The following TENM2 variants were observed in gnomAD, a reference collection of about 807,000 sequenced individuals.
The protein encoded by TENM2 is teneurin-2.
TENM2 carries 52 observed loss-of-function variants against 245.2 expected under a neutral mutation model. The ratio of observed to expected loss-of-function variants is 0.21; its 90% CI spans 0.17 to 0.27. The LOEUF is 0.27. TENM2 is among the 10% of genes least tolerant of loss of function. TENM2 has a pLI of 1.00. For missense variants in TENM2, 3,046 were observed against 3,666.8 expected, an observed-to-expected ratio of 0.83 and a Z score of 4.37; for synonymous variants, 1,363 against 1,438.9, an observed-to-expected ratio of 0.95 and a Z score of 1.19.
the TENM2 span, among the ~76,000 whole-genome samples, chr5:167,119,754 A>C: frequency 1.3e-5 from 2 of 152,224 alleles, no homozygotes; most frequent in African/African-American, 4.8e-5. Flanking sequence ...CCTTGAAACC[A>C]TAGCAACCTG....
intron 2 of TENM2, among the ~76,000 whole-genome samples, chr5:167,454,475 T>TGTGC (rs398065397): frequency 1.2e-4 from 18 of 149,482 alleles, no homozygotes; most frequent in East Asian, 1.2e-3. Flanking sequence ...TGTGTGTGTG[T>TGTGC]GCATGTGCAC....
intron 25 of TENM2, among the ~76,000 whole-genome samples, chr5:168,234,420 A>G (rs577102958): frequency 6.6e-6 from 1 of 152,234 alleles, no homozygotes; most frequent in Non-Finnish European, 1.5e-5. Context: ...CAGTAAAAGC[A>G]CCTAGACAGG....
At chr5:168,141,862 C>T (rs1031180635) in intron 12 of TENM2, among the ~76,000 whole-genome samples, 4 of 152,272 alleles carry the variant, frequency 2.6e-5, no homozygotes, top group Non-Finnish European at 5.9e-5. Flanking sequence ...CCTCTCAAAG[C>T]GTCAGACGGA....
the TENM2 span, among the ~76,000 whole-genome samples, chr5:167,033,572 T>C: frequency 6.6e-6 from 1 of 152,336 alleles, no homozygotes; most frequent in Admixed American, 6.5e-5. Flanking sequence ...TTGTTGAACA[T>C]GCATTTTAAA....
intron 8 of TENM2, among the ~76,000 whole-genome samples, chr5:168,091,938 A>G (rs955741331): frequency 1.3e-5 from 2 of 152,246 alleles, no homozygotes; most frequent in Non-Finnish European, 2.9e-5. Context: ...GACCACGTCC[A>G]GGAAGTAGAG....
chr5:168,228,606 A>ACTC (rs1554227677), intron 25 of TENM2, among the ~76,000 whole-genome samples: 6 of 152,058 alleles, frequency 3.9e-5, no homozygotes, highest in East Asian at 1.9e-4. Context: ...CTTTGCACTC[A>ACTC]AGGAATTGAG....
the TENM2 span, among the ~76,000 whole-genome samples, chr5:167,249,725 C>A: frequency 5.9e-5 from 9 of 152,096 alleles, no homozygotes; most frequent in Non-Finnish European, 8.8e-5. Flanking sequence ...TGGAGCAAGC[C>A]GTCCTATCAA....
At chr5:167,170,860 C>T in the TENM2 span, among the ~76,000 whole-genome samples, 7 of 143,176 alleles carry the variant, frequency 4.9e-5, no homozygotes, top group South Asian at 2.1e-4. Flanking sequence ...CAGTGAATCA[C>T]GTCTCCTAAA....
At position 168,203,714 on chromosome 5, in the gene TENM2, C is replaced by A. The variant is rs372512299; in HGVS notation, c.3456C>A (p.Thr1152=). 1.1e-5 allele frequency: 17 copies of A among 1,611,944 alleles called. No individual in the cohort carries two copies. In the African/African-American group the frequency reaches 2.1e-4, roughly 20 times the overall value. The change falls in exon 18 of 29, where the codon ACC becomes ACA. Residue 1152 remains threonine (T), a synonymous_variant. Transcript: ENST00000518659. ...TGTCTGTCGGGTTTGAATATGAGAC[C>A]TGTCCCAGTCTAATTCTCTGGGAGA...
At chr5:167,435,412 ACT>A (rs1225852547) in intron 2 of TENM2, among the ~76,000 whole-genome samples, 1 of 151,536 alleles carries the variant, frequency 6.6e-6, no homozygotes, top group Non-Finnish European at 1.5e-5. Flanking sequence ...GTTTTGCTTG[ACT>A]CTCATTCTCT....
chr5:167,692,025 C>T (rs922076761), intron 2 of TENM2, among the ~76,000 whole-genome samples: 1 of 152,136 alleles, frequency 6.6e-6, no homozygotes, highest in Non-Finnish European at 1.5e-5. Context: ...TGCTACCAAA[C>T]CCTCTGCCTT....
rs1330191235 is a variant in TENM2, at chr5:168,198,843, C to T, written c.2901-10C>T. Reference sequence around the variant, plus strand: ...CTACCCCCTCATCAGCTCATTTACTCCCTCTCCAGGTTCGACCTGATCGCA... The same window carrying T: ...CTACCCCCTCATCAGCTCATTTACTTCCTCTCCAGGTTCGACCTGATCGCA... On this transcript the variant is annotated splice_polypyrimidine_tract_variant and intron_variant, in intron 15 of 28. Coordinates refer to ENST00000518659, the Ensembl canonical transcript of TENM2. The T allele has an allele frequency of 2.5e-6, 4 of 1,611,328 alleles. No individual in the cohort carries two copies. The highest frequency in any genetic ancestry group is 3.3e-5 in the Admixed American group (2 of 59,976).
Position 167,503,506 on chromosome 5 carries a change from A to C in TENM2, c.502+128033A>C, listed in dbSNP as rs577068391. Among the ~76,000 whole-genome samples the C allele has an allele frequency of 1.5e-4, 21 of 138,670 alleles. 1 individual carries two copies. The South Asian group carries it at 5.8e-3, about 39-fold the overall frequency. 91.0% of individuals were successfully genotyped at this position (138,670 alleles called of 152,430 possible). ...AGTTAATCTAAATGTATGTGTCAGA[A>C]TAATGTCTTCCTTTTTTTTTTTTGG... On this transcript the variant is annotated intron_variant, in intron 2 of 28. Transcript: ENST00000518659.
intron 4 of TENM2, among the ~76,000 whole-genome samples, chr5:167,992,216 A>G (rs1005892598): frequency 6.6e-6 from 1 of 152,212 alleles, no homozygotes; most frequent in African/African-American, 2.4e-5. Context: ...AATCACCACT[A>G]AAGAACTTGT....
intron 25 of TENM2, among the ~76,000 whole-genome samples, chr5:168,228,847 A>G (rs1562308730): frequency 6.7e-6 from 1 of 148,576 alleles, no homozygotes; most frequent in African/African-American, 2.5e-5. Context: ...AATATATAAC[A>G]TTAATTATAT....
intron 2 of TENM2, among the ~76,000 whole-genome samples, chr5:167,840,360 A>C (rs1769391407): frequency 6.6e-6 from 1 of 152,220 alleles, no homozygotes; most frequent in East Asian, 1.9e-4. Context: ...TGATACTTGT[A>C]AAAAATATCA....
intron 2 of TENM2, among the ~76,000 whole-genome samples, chr5:167,866,159 G>A (rs374309077): frequency 2.0e-5 from 3 of 152,324 alleles, no homozygotes; most frequent in East Asian, 3.9e-4. Flanking sequence ...TCTAAGGAAG[G>A]TTGTTCTTGA....
chr5:168,111,361 C>G (rs535011031), intron 9 of TENM2, among the ~76,000 whole-genome samples: 116 of 152,234 alleles, frequency 7.6e-4, no homozygotes, highest in African/African-American at 2.6e-3. Flanking sequence ...CCTCTCTTCA[C>G]GGGGGTCCTG....
intron 2 of TENM2, among the ~76,000 whole-genome samples, chr5:167,557,176 A>G (rs190799511): frequency 2.1e-4 from 32 of 152,316 alleles, no homozygotes; most frequent in Admixed American, 2.1e-3. Flanking sequence ...TTTCTTATCA[A>G]GTACCTTATA....
Sources: allele counts gnomAD v4.1 joint callset (sites outside exome capture counted in the v4.1 genomes callset), GRCh38; gene constraint gnomAD v4.1.1; transcripts MANE v1.5; gene names NCBI Gene and HGNC (gene_info 2026-07-23, HGNC 2026-07-21).